Variants in SLC24A2 observed in about 807,000 individuals in gnomAD.
SLC24A2 encodes solute carrier family 24 member 2, also known as sodium/potassium/calcium exchanger 2.
A neutral mutation model predicts 62.0 loss-of-function variants in SLC24A2; 36 were observed. The ratio of observed to expected loss-of-function variants is 0.58; its 90% CI spans 0.44 to 0.77. The LOEUF (loss-of-function observed/expected upper bound fraction) is 0.77, where lower values mean the gene tolerates loss of function less well. Among genes scored for constraint, SLC24A2 ranks in the 30% least tolerant of loss-of-function variants. The probability of loss-of-function intolerance (pLI) is 0.00; values close to 1 mark genes in which losing one functional copy is unlikely to be tolerated. For missense variants in SLC24A2, 846 were observed against 817.9 expected (o/e 1.03, Z -0.42); for synonymous variants, 358 against 294.0 (o/e 1.22, Z -2.23).
intron 2 of SLC24A2, among the ~76,000 whole-genome samples, chr9:19,762,053 A>C (rs538756375): frequency 3.9e-5 from 6 of 152,288 alleles, no homozygotes; most frequent in East Asian, 3.9e-4. Flanking sequence ...TGAGGAATCG[A>C]CACACTGACT....
intron 7 of SLC24A2, among the ~76,000 whole-genome samples, chr9:19,563,266 G>C (rs886526890): frequency 2.6e-5 from 4 of 152,010 alleles, no homozygotes; most frequent in Non-Finnish European, 5.9e-5. Flanking sequence ...CTACTTCTTG[G>C]GTGGCAGAAC....
the SLC24A2 span, among the ~76,000 whole-genome samples, chr9:20,192,272 A>G: frequency 6.6e-6 from 1 of 152,152 alleles, no homozygotes; most frequent in Non-Finnish European, 1.5e-5. Flanking sequence ...GTGGGTGAGA[A>G]GGCCAAGAAG....
rs1180206335 is a variant in SLC24A2, at chr9:19,512,327, C to G, written c.*3826G>C. ...CAGGTGACACCTGTTAGAAGCCTTA[C>G]AAAGCATTTTTCCTGAATATAAAAC... On this transcript the variant is annotated 3_prime_UTR_variant, in exon 11 of 11. Coordinates refer to ENST00000341998, the MANE Select transcript of SLC24A2 (RefSeq NM_020344.4). The G allele has an allele frequency of 2.6e-5, 4 of 152,248 alleles. No homozygotes were observed. Among genetic ancestry groups the G allele is most frequent in the Admixed American group, 6.5e-5 (1 of 15,284 alleles). 9.4% of individuals were successfully genotyped at this position (152,248 alleles called of 1,614,324 possible).
the SLC24A2 span, among the ~76,000 whole-genome samples, chr9:20,183,412 C>T: frequency 0.017 from 2,543 of 152,280 alleles, 73 homozygotes; most frequent in African/African-American, 0.059. Flanking sequence ...CAGCCATGTT[C>T]CTTTGGAGAG....
At chr9:20,142,909 T>C in the SLC24A2 span, among the ~76,000 whole-genome samples, 2 of 152,194 alleles carry the variant, frequency 1.3e-5, no homozygotes, top group Non-Finnish European at 2.9e-5. Flanking sequence ...CCATGTCTTA[T>C]ACGACCTGAA....
chr9:19,615,103 AGGCTTTT>A (rs1817731063), intron 4 of SLC24A2, among the ~76,000 whole-genome samples: 1 of 152,190 alleles, frequency 6.6e-6, no homozygotes, highest in Non-Finnish European at 1.5e-5. Flanking sequence ...CCACTAATGA[AGGCTTTT>A]GGCAAGGGCT....
the SLC24A2 span, among the ~76,000 whole-genome samples, chr9:20,264,112 A>G: frequency 6.6e-6 from 1 of 152,136 alleles, no homozygotes; most frequent in African/African-American, 2.4e-5. Context: ...AACACAAAGC[A>G]TTGCATGAGT....
At chr9:19,742,861 GT>G (rs141053224) in intron 2 of SLC24A2, among the ~76,000 whole-genome samples, 4,848 of 152,218 alleles carry the variant, frequency 0.032, 111 homozygotes, top group Non-Finnish European at 0.047. Context: ...TACCTCTAAT[GT>G]TGAGAAACTG....
At chr9:20,232,314 C>T in the SLC24A2 span, among the ~76,000 whole-genome samples, 1 of 152,008 alleles carries the variant, frequency 6.6e-6, no homozygotes, top group Non-Finnish European at 1.5e-5. Flanking sequence ...GGAATGATAC[C>T]AGCTCCTCTT....
At chr9:20,068,207 C>T in the SLC24A2 span, among the ~76,000 whole-genome samples, 8 of 151,732 alleles carry the variant, frequency 5.3e-5, no homozygotes, top group South Asian at 2.1e-4. Flanking sequence ...GGATTACAGG[C>T]GCCCAACACC....
chr9:20,162,989 T>C, the SLC24A2 span, among the ~76,000 whole-genome samples: 1 of 152,070 alleles, frequency 6.6e-6, no homozygotes. Context: ...CTCAAAATAA[T>C]AAGAGCTATC....
intron 4 of SLC24A2, among the ~76,000 whole-genome samples, chr9:19,607,695 G>C (rs888329644): frequency 8.2e-5 from 12 of 146,780 alleles, no homozygotes; most frequent in African/African-American, 2.8e-4. Flanking sequence ...TTCCAGCCTA[G>C]GTGATAGAGT....
At chr9:20,128,964 C>G in the SLC24A2 span, among the ~76,000 whole-genome samples, 3 of 152,014 alleles carry the variant, frequency 2.0e-5, no homozygotes, top group Non-Finnish European at 2.9e-5. Context: ...GTAAAAACTT[C>G]TGTGCATCGA....
chr9:19,795,045 G>T, the SLC24A2 span, among the ~76,000 whole-genome samples: 1 of 152,144 alleles, frequency 6.6e-6, no homozygotes, highest in Non-Finnish European at 1.5e-5. Flanking sequence ...GTGCTGCTGT[G>T]TCTATGGTTT....
At chr9:19,538,359 T>A (rs1236445953) in intron 8 of SLC24A2, among the ~76,000 whole-genome samples, 1 of 142,880 alleles carries the variant, frequency 7.0e-6, no homozygotes, top group Non-Finnish European at 1.5e-5. Flanking sequence ...ATAGCTCTTA[T>A]TATTTTGAAA....
chr9:20,107,918 A>G, the SLC24A2 span, among the ~76,000 whole-genome samples: 1 of 152,130 alleles, frequency 6.6e-6, no homozygotes, highest in Non-Finnish European at 1.5e-5. Context: ...AACCTACAAA[A>G]TGGGAGAAAA....
chr9:19,709,827 A>C (rs866625599), intron 2 of SLC24A2, among the ~76,000 whole-genome samples: 3 of 151,824 alleles, frequency 2.0e-5, no homozygotes, highest in Admixed American at 6.6e-5. Flanking sequence ...GTGCAGCACA[A>C]CAACATGGCA....
chr9:19,851,024 C>CAT, the SLC24A2 span, among the ~76,000 whole-genome samples: 3 of 45,950 alleles, frequency 6.5e-5, 1 homozygote, highest in African/African-American at 3.2e-4. Context: ...TATATATATA[C>CAT]ATATTTTTTT....
At chr9:19,862,010 A>G in the SLC24A2 span, among the ~76,000 whole-genome samples, 1 of 152,194 alleles carries the variant, frequency 6.6e-6, no homozygotes, top group African/African-American at 2.4e-5. Flanking sequence ...GTAGAGAAAG[A>G]GACAAGGGTA....
Sources: allele counts gnomAD v4.1 joint callset (sites outside exome capture counted in the v4.1 genomes callset), GRCh38; gene constraint gnomAD v4.1.1; transcripts MANE v1.5; gene names NCBI Gene and HGNC (gene_info 2026-07-23, HGNC 2026-07-21).